Variants in DLGAP4 observed in about 807,000 individuals in gnomAD.
The protein encoded by DLGAP4 is disks large-associated protein 4.
In DLGAP4, 18 loss-of-function variants were observed where a neutral mutation model predicts 86.9. That is an observed-to-expected ratio of 0.21 (90% CI 0.14 to 0.31). The LOEUF is 0.31. DLGAP4 is among the 10% of genes least tolerant of loss of function. The pLI is 1.00. For missense variants in DLGAP4, 1,085 were observed against 1,362.6 expected (o/e 0.80, Z 3.21); for synonymous variants, 548 against 574.3 (o/e 0.95, Z 0.65).
intron 2 of DLGAP4, among the ~76,000 whole-genome samples, chr20:36,406,397 C>CA (rs72014350): frequency 0.68 from 75,199 of 110,000 alleles, 25,115 homozygotes; most frequent in East Asian, 0.76. Flanking sequence ...GACTCCACCT[C>CA]AAAAAAAAAA....
chr20:36,453,953 A>AAAAAAAG (rs2033811273), intron 7 of DLGAP4, among the ~76,000 whole-genome samples: 1 of 148,010 alleles, frequency 6.8e-6, no homozygotes, highest in Non-Finnish European at 1.5e-5. Context: ...AAAAAAAAAA[A>AAAAAAAG]AAAGAAAGAA....
At chr20:36,334,822 G>A (rs956943484) in intron 1 of DLGAP4, among the ~76,000 whole-genome samples, 6 of 152,028 alleles carry the variant, frequency 3.9e-5, no homozygotes, top group South Asian at 2.1e-4. Flanking sequence ...CAGCTGGGTC[G>A]CCGGCACAGG....
chr20:36,330,138 T>C (rs1449987869), intron 1 of DLGAP4, among the ~76,000 whole-genome samples: 2 of 152,138 alleles, frequency 1.3e-5, no homozygotes, highest in Non-Finnish European at 2.9e-5. Context: ...TTTTCTACAG[T>C]GAACATATAT....
intron 8 of DLGAP4, chr20:36,497,323 T>C (rs1369872993): frequency 3.0e-6 from 4 of 1,348,742 alleles, no homozygotes; most frequent in Non-Finnish European, 2.9e-6. Context: ...TGAATGTAGT[T>C]ACACTCAGCC....
intron 2 of DLGAP4, among the ~76,000 whole-genome samples, chr20:36,389,980 A>T (rs986646152): frequency 6.6e-6 from 1 of 152,194 alleles, no homozygotes; most frequent in African/African-American, 2.4e-5. Flanking sequence ...AAACCAAAGC[A>T]TGGGTGGTGG....
intron 1 of DLGAP4, among the ~76,000 whole-genome samples, chr20:36,346,899 T>C (rs1290081219): frequency 8.5e-5 from 13 of 152,170 alleles, no homozygotes; most frequent in Non-Finnish European, 1.5e-4. Flanking sequence ...AGGGGTTTCT[T>C]GTAACAGGGG....
At chr20:36,403,109 C>T (rs1435980775) in intron 2 of DLGAP4, among the ~76,000 whole-genome samples, 2 of 152,188 alleles carry the variant, frequency 1.3e-5, no homozygotes, top group African/African-American at 4.8e-5. Context: ...TTTTGTGCTA[C>T]TGTAACAGAA....
intron 2 of DLGAP4, among the ~76,000 whole-genome samples, chr20:36,381,256 G>A (rs1490292566): frequency 1.3e-5 from 2 of 152,208 alleles, no homozygotes; most frequent in Non-Finnish European, 2.9e-5. Flanking sequence ...CTGCCCCTTT[G>A]GCACTCACAA....
At chr20:36,360,078 T>C (rs1392597709) in intron 1 of DLGAP4, among the ~76,000 whole-genome samples, 1 of 152,236 alleles carries the variant, frequency 6.6e-6, no homozygotes, top group Non-Finnish European at 1.5e-5. Context: ...TTATACTCCT[T>C]GAACATTTCC....
At chr20:36,462,421 T>G in intron 7 of DLGAP4, 4 of 1,484,600 alleles carry the variant, frequency 2.7e-6, no homozygotes, top group Non-Finnish European at 1.8e-6. Flanking sequence ...AGGCCCCCCT[T>G]TGAGCCTGCT....
chr20:36,527,169 A>G lies in DLGAP4; in HGVS notation c.*138A>G. On this transcript the variant is annotated 3_prime_UTR_variant, in exon 13 of 13. Coordinates refer to ENST00000339266, the MANE Select transcript of DLGAP4 (RefSeq NM_001365621.2). Reference sequence around the variant, plus strand: ...AGCCAACTTTCAAATTGACGCATACAAGGGCTCACAATTTGGCTTTTTTGG... The same window carrying G: ...AGCCAACTTTCAAATTGACGCATACGAGGGCTCACAATTTGGCTTTTTTGG... The G allele has an allele frequency of 2.2e-6, 2 of 902,620 alleles. No homozygotes were observed. Among genetic ancestry groups the G allele is most frequent in the Non-Finnish European group, 3.2e-6 (2 of 633,130 alleles). The allele number at this position is 902,620 out of a possible 1,614,324, so 55.9% of individuals were successfully genotyped here.
chr20:36,369,534 A>T (rs1248904937), intron 2 of DLGAP4, among the ~76,000 whole-genome samples: 2 of 152,140 alleles, frequency 1.3e-5, no homozygotes, highest in South Asian at 2.1e-4. Flanking sequence ...CAGAGGTTGC[A>T]GTAGCCACTG....
In DLGAP4 at chr20:36,525,019, C is replaced by A. The variant is rs573326540; in HGVS notation, c.2604+678C>A. On this transcript the variant is annotated intron_variant, in intron 11 of 12. Transcript: ENST00000339266. ...AGATCATGAGGTCAGGAGATGGAGA[C>A]CCTCCTGGCTAACACGGTGAAACCC... Among the ~76,000 whole-genome samples the A allele has an allele frequency of 3.3e-5, 5 of 151,302 alleles. No individual in the cohort carries two copies. In the East Asian group the frequency reaches 9.7e-4, roughly 29 times the overall value.
chr20:36,527,220 G>A lies in DLGAP4; in HGVS notation c.*189G>A. 2.0e-6 allele frequency: 1 copy of A among 489,246 alleles called. No individual in the cohort carries two copies. Among genetic ancestry groups the A allele is most frequent in the Non-Finnish European group, 3.5e-6 (1 of 284,544 alleles). 30.3% of individuals were successfully genotyped at this position (489,246 alleles called of 1,614,324 possible). A position where few individuals can be genotyped will look rare whatever the true frequency, so the allele number is the denominator to read the frequency against. On this transcript the variant is annotated 3_prime_UTR_variant, in exon 13 of 13. Coordinates refer to ENST00000339266, the MANE Select transcript of DLGAP4 (RefSeq NM_001365621.2). ...GTCCCTCCCAGCTTTAGGTTATGAA[G>A]ATTTTACTCACAAAAAAAATCAACA...
chr20:36,511,520 T>C (rs558758827), intron 10 of DLGAP4, among the ~76,000 whole-genome samples: 1 of 152,258 alleles, frequency 6.6e-6, no homozygotes, highest in African/African-American at 2.4e-5. Flanking sequence ...ATATTTTTAT[T>C]AGATTTATTC....
intron 10 of DLGAP4, among the ~76,000 whole-genome samples, chr20:36,516,907 A>G (rs976788471): frequency 2.6e-5 from 4 of 152,008 alleles, no homozygotes; most frequent in African/African-American, 9.7e-5. Flanking sequence ...CCTGGGCAAC[A>G]TAATGAAACC....
intron 7 of DLGAP4, among the ~76,000 whole-genome samples, chr20:36,482,137 G>T (rs191638460): frequency 8.3e-4 from 127 of 152,262 alleles, no homozygotes; most frequent in South Asian, 2.7e-3. Flanking sequence ...GGCTGCCGAG[G>T]GATCTTGGCT....
chr20:36,418,089 T>G (rs1408245971), intron 2 of DLGAP4, among the ~76,000 whole-genome samples: 1 of 149,930 alleles, frequency 6.7e-6, no homozygotes, highest in African/African-American at 2.5e-5. Flanking sequence ...CCGGCCTCAT[T>G]TGGTTGTGTG....
chr20:36,347,746 G>A (rs1303723326), intron 1 of DLGAP4, among the ~76,000 whole-genome samples: 1 of 150,092 alleles, frequency 6.7e-6, no homozygotes, highest in Non-Finnish European at 1.5e-5. Context: ...GGATCACTTG[G>A]GCCCAAAAGT....
Sources: gnomAD v4.1 joint callset for allele counts (sites outside exome capture counted in the v4.1 genomes callset) on GRCh38, gnomAD v4.1.1 for gene constraint, MANE v1.5 for transcripts, NCBI Gene and HGNC (gene_info 2026-07-23, HGNC 2026-07-21) for gene names.